PPP2R5E: variants seen among roughly 807,000 people sequenced by gnomAD.
The protein encoded by PPP2R5E is protein phosphatase 2 regulatory subunit B'epsilon.
Under a neutral mutation model 65.3 loss-of-function variants are expected in PPP2R5E, and 4 were observed. That is an observed-to-expected ratio of 0.06 (90% CI 0.03 to 0.14). The LOEUF (loss-of-function observed/expected upper bound fraction) is 0.14. PPP2R5E is among the 10% of genes least tolerant of loss of function. The pLI is 1.00. For missense variants in PPP2R5E, 274 were observed against 556.1 expected (o/e 0.49, Z 5.10); for synonymous variants, 183 against 187.4 (o/e 0.98, Z 0.19).
At chr14:63,484,347 TCACACACACACACACACACACACA>T (rs199749451) in intron 2 of PPP2R5E, among the ~76,000 whole-genome samples, 1 of 139,596 alleles carries the variant, frequency 7.2e-6, no homozygotes, top group Admixed American at 7.2e-5. Flanking sequence ...TCTCTCTCTC[TCACACACACACACACACACACACA>T]CACACACACA....
chr14:63,438,150 C>T (rs1888033715), intron 3 of PPP2R5E, among the ~76,000 whole-genome samples: 1 of 152,216 alleles, frequency 6.6e-6, no homozygotes, highest in Non-Finnish European at 1.5e-5. Context: ...TGTCTGCTTG[C>T]CAGATTCTTG....
chr14:63,432,546 AGG>A (rs1887730522), intron 3 of PPP2R5E, among the ~76,000 whole-genome samples: 1 of 152,164 alleles, frequency 6.6e-6, no homozygotes, highest in South Asian at 2.1e-4. Flanking sequence ...CTTCGTTAGA[AGG>A]GGACAACAGG....
rs34338079 is a variant in PPP2R5E at position 63,375,749 on chromosome 14, AT to A, written c.*259del. The A allele has an allele frequency of 0.24, 58,872 of 246,166 alleles. 11,920 individuals carry two copies. The highest frequency in any genetic ancestry group is 0.64 in the African/African-American group (28,444 of 44,304). The allele number at this position is 246,166 out of a possible 1,614,324, so 15.2% of individuals were successfully genotyped here. ...TTCATCAACAGATCTTTGAAGACCGATTTTTTTTTTTAAAAGAGGGTGAGAA... is the reference window on the plus strand; with the variant it reads ...TTCATCAACAGATCTTTGAAGACCGATTTTTTTTTTAAAAGAGGGTGAGAA... On this transcript the variant is annotated 3_prime_UTR_variant, in exon 14 of 14. Transcript: ENST00000337537.
intron 2 of PPP2R5E, among the ~76,000 whole-genome samples, chr14:63,518,161 G>A (rs1385310487): frequency 1.3e-5 from 2 of 151,852 alleles, no homozygotes; most frequent in East Asian, 1.9e-4. Context: ...CTGCAGCCTC[G>A]AACTCCTGGC....
chr14:63,523,137 G>C (rs878892965), intron 2 of PPP2R5E, among the ~76,000 whole-genome samples: 1 of 149,542 alleles, frequency 6.7e-6, no homozygotes, highest in South Asian at 2.1e-4. Context: ...AGTGGGGGGC[G>C]CCTCTGCCCG....
intron 2 of PPP2R5E, among the ~76,000 whole-genome samples, chr14:63,495,146 T>C (rs1891484392): frequency 6.6e-6 from 1 of 151,496 alleles, no homozygotes; most frequent in Non-Finnish European, 1.5e-5. Flanking sequence ...GAGGTTGCAG[T>C]GAGCCAAGAA....
At chr14:63,391,105 C>T (rs775009578) in intron 10 of PPP2R5E, among the ~76,000 whole-genome samples, 2 of 152,148 alleles carry the variant, frequency 1.3e-5, no homozygotes, top group African/African-American at 4.8e-5. Flanking sequence ...TGTACAGTGA[C>T]AGCAAAACCT....
intron 2 of PPP2R5E, among the ~76,000 whole-genome samples, chr14:63,506,071 C>T (rs944109496): frequency 1.3e-5 from 2 of 152,046 alleles, no homozygotes; most frequent in Non-Finnish European, 2.9e-5. Flanking sequence ...GAAAAGGCAA[C>T]CCACTAAATG....
In PPP2R5E at chr14:63,433,842, T is replaced by C. The variant is rs541211835; in HGVS notation, c.355-11748A>G. On this transcript the variant is annotated intron_variant, in intron 3 of 13. Coordinates refer to ENST00000337537, the MANE Select transcript of PPP2R5E (RefSeq NM_006246.5). Reference sequence around the variant, plus strand: ...CCTTTGAGAGGTTATCTTTCTGAAGTTCCTCGGAGTTGTGCATGTGACTTG... The same window carrying C: ...CCTTTGAGAGGTTATCTTTCTGAAGCTCCTCGGAGTTGTGCATGTGACTTG... Among the ~76,000 whole-genome samples the C allele has an allele frequency of 3.9e-5, 6 of 152,272 alleles. No individual in the cohort carries two copies. The South Asian group carries it at 1.2e-3, about 32-fold the overall frequency.
intron 3 of PPP2R5E, among the ~76,000 whole-genome samples, chr14:63,438,845 G>C (rs1250972563): frequency 6.6e-6 from 1 of 152,090 alleles, no homozygotes; most frequent in Non-Finnish European, 1.5e-5. Flanking sequence ...ATTGCGGAGA[G>C]AAATGCTAAA....
intron 2 of PPP2R5E, among the ~76,000 whole-genome samples, chr14:63,495,888 C>T (rs554055763): frequency 6.6e-6 from 1 of 151,988 alleles, no homozygotes; most frequent in South Asian, 2.1e-4. Context: ...ACAAGGTTTC[C>T]CTATGTTGCC....
intron 6 of PPP2R5E, among the ~76,000 whole-genome samples, chr14:63,396,307 G>C (rs1378533489): frequency 9.4e-6 from 1 of 106,616 alleles, no homozygotes; most frequent in Non-Finnish European, 2.0e-5. Context: ...AGAAGCAGTG[G>C]GGGGAGGAGG....
At chr14:63,433,858 A>C (rs1442427475) in intron 3 of PPP2R5E, among the ~76,000 whole-genome samples, 1 of 152,168 alleles carries the variant, frequency 6.6e-6, no homozygotes, top group Non-Finnish European at 1.5e-5. Flanking sequence ...GGAGTTGTGC[A>C]TGTGACTTGC....
At chr14:63,431,094 C>G (rs981965236) in intron 3 of PPP2R5E, among the ~76,000 whole-genome samples, 1 of 152,034 alleles carries the variant, frequency 6.6e-6, no homozygotes, top group Non-Finnish European at 1.5e-5. Context: ...ATGGTGAAAC[C>G]CCATCTGTAC....
chr14:63,524,631 C>CTGT (rs972912724), intron 2 of PPP2R5E, among the ~76,000 whole-genome samples: 3 of 152,224 alleles, frequency 2.0e-5, no homozygotes, highest in African/African-American at 7.2e-5. Flanking sequence ...GTTTACTGAA[C>CTGT]TGTTCCTTAC....
chr14:63,443,591 A>G (rs1888342814), intron 3 of PPP2R5E, among the ~76,000 whole-genome samples: 1 of 152,142 alleles, frequency 6.6e-6, no homozygotes, highest in Non-Finnish European at 1.5e-5. Flanking sequence ...GGTATCATCT[A>G]GAGTTCCATC....
intron 13 of PPP2R5E, among the ~76,000 whole-genome samples, chr14:63,379,823 T>TCTCTCTCC: frequency 8.2e-6 from 1 of 121,640 alleles, no homozygotes; most frequent in Non-Finnish European, 1.5e-5. Flanking sequence ...CAATATTCTC[T>TCTCTCTCC]CTCTTTTTTT....
intron 2 of PPP2R5E, among the ~76,000 whole-genome samples, chr14:63,520,402 C>T (rs1424432925): frequency 1.3e-5 from 2 of 152,196 alleles, no homozygotes; most frequent in African/African-American, 2.4e-5. Flanking sequence ...TCTGAGAAAC[C>T]TTCCCTGAAT....
chr14:63,396,830 T>C, intron 5 of PPP2R5E, 114 bp from the exon 6 acceptor site: 1 of 1,323,750 alleles, frequency 7.6e-7, no homozygotes, highest in Middle Eastern at 1.9e-4. Context: ...TGAATATCTA[T>C]TATGTGCCAA....
Sources: allele counts gnomAD v4.1 joint callset (sites outside exome capture counted in the v4.1 genomes callset), GRCh38; gene constraint gnomAD v4.1.1; transcripts MANE v1.5; gene names NCBI Gene and HGNC (gene_info 2026-07-23, HGNC 2026-07-21).